The following TERT variants were observed in gnomAD, a reference collection of about 807,000 sequenced individuals.
TERT encodes telomerase reverse transcriptase, also known as telomerase catalytic subunit.
A neutral mutation model predicts 104.0 loss-of-function variants in TERT; 42 were observed. The ratio of observed to expected loss-of-function variants is 0.40; its 90% CI spans 0.32 to 0.52. TERT has a LOEUF of 0.52. TERT is among the 20% of genes least tolerant of loss of function. The pLI is 0.43. For synonymous variants in TERT, 781 were observed against 725.6 expected (o/e 1.08, Z -1.23); for missense variants, 1,101 against 1,610.3 (o/e 0.68, Z 5.41).
At chr5:1,289,223 C>A (rs1750696807) in intron 2 of TERT, among the ~76,000 whole-genome samples, 1 of 144,138 alleles carries the variant, frequency 6.9e-6, no homozygotes, top group Non-Finnish European at 1.5e-5. Context: ...GCCTCACTCA[C>A]CCTACACGTG....
intron 4 of TERT, 41 bp from the exon 5 acceptor site, chr5:1,279,511 C>T (rs570878378): frequency 2.7e-5 from 41 of 1,542,574 alleles, no homozygotes; most frequent in East Asian, 2.2e-4. Context: ...AAAGTGGATC[C>T]GGCCAAGTGC....
intron 2 of TERT, among the ~76,000 whole-genome samples, chr5:1,285,148 C>T (rs1354257110): frequency 3.6e-5 from 4 of 109,974 alleles, no homozygotes; most frequent in African/African-American, 6.5e-5. Context: ...CTGCATCATC[C>T]GGACTCCATA....
chr5:1,276,126 C>G (rs564644703), intron 6 of TERT, among the ~76,000 whole-genome samples: 34 of 140,426 alleles, frequency 2.4e-4, no homozygotes, highest in African/African-American at 9.4e-4. Context: ...CCACCTACCC[C>G]ACGGATGAAA....
chr5:1,276,717 GT>G (rs1375365064), intron 6 of TERT, among the ~76,000 whole-genome samples: 2 of 150,410 alleles, frequency 1.3e-5, no homozygotes, highest in Non-Finnish European at 3.0e-5. Context: ...CCCCACCCAG[GT>G]TTGCAAGCTG....
Position 1,253,640 on chromosome 5 carries a change from T to G in TERT, c.*88A>C. The G allele has an allele frequency of 1.7e-6, 2 of 1,165,332 alleles. No individual in the cohort carries two copies. The highest frequency in any genetic ancestry group is 2.6e-5 in the South Asian group (2 of 77,216). 72.2% of individuals were successfully genotyped at this position (1,165,332 alleles called of 1,614,324 possible). A position where few individuals can be genotyped will look rare whatever the true frequency, so the allele number is the denominator to read the frequency against. On this transcript the variant is annotated 3_prime_UTR_variant, in exon 16 of 16. Transcript: ENST00000310581. ...ACTCCCAGCGGTGCGGGCCTGGGTGTGGGCCGCCCCTCCCTCCCTGGGACG... is the reference window on the plus strand; with the variant it reads ...ACTCCCAGCGGTGCGGGCCTGGGTGGGGGCCGCCCCTCCCTCCCTGGGACG...
chr5:1,260,920 G>C lies in TERT; in HGVS notation c.2844-320C>G, dbSNP rs111854038. Among the ~76,000 whole-genome samples the C allele has an allele frequency of 9.2e-4, 140 of 152,354 alleles. 2 individuals carry two copies. Among genetic ancestry groups the C allele is most frequent in the African/African-American group, 3.1e-3 (131 of 41,592 alleles). On this transcript the variant is annotated intron_variant, in intron 11 of 15. Transcript: ENST00000310581. ...CTCAGCCAAAAACACATAATAAACT[G>C]TGGAGCCCTGGCTCCCGGGCGTCCC...
Position 1,286,987 on chromosome 5 carries a change from TC to T in TERT, c.1574-4364del, listed in dbSNP as rs995730910. ...AGGCAACGAGAGGATCAACACACAC[TC>T]GGCAGGAAACGCACATGGCAACCCA... On this transcript the variant is annotated intron_variant, in intron 2 of 15. Transcript: ENST00000310581. The surrounding 1 kb of genome is among the most constrained non-coding windows in gnomAD (Gnocchi z 5.3). 6.6e-6 allele frequency among the ~76,000 whole-genome samples: 1 copy of T among 151,846 alleles called. No homozygotes were observed. Among genetic ancestry groups the T allele is most frequent in the African/African-American group, 2.4e-5 (1 of 41,372 alleles).
intron 9 of TERT, 100 bp from the exon 10 acceptor site, chr5:1,266,635 T>C (rs1748627636): frequency 1.0e-6 from 1 of 992,078 alleles, no homozygotes; most frequent in East Asian, 2.6e-5. Flanking sequence ...CAGCCATAAA[T>C]AAAGTAACAT....
intron 12 of TERT, among the ~76,000 whole-genome samples, chr5:1,259,868 A>C (rs1276915890): frequency 5.5e-5 from 7 of 126,150 alleles, no homozygotes; most frequent in Admixed American, 1.6e-4. Context: ...GACACGGACA[A>C]CCACAGGAGA....
At chr5:1,278,250 G>A (rs1399270644) in intron 6 of TERT, among the ~76,000 whole-genome samples, 3 of 152,294 alleles carry the variant, frequency 2.0e-5, no homozygotes, top group Admixed American at 6.5e-5. Context: ...GACCATGCCT[G>A]GAGGAGGAAG....
At chr5:1,277,770 C>T (rs1287681817) in intron 6 of TERT, among the ~76,000 whole-genome samples, 5 of 152,156 alleles carry the variant, frequency 3.3e-5, no homozygotes, top group Admixed American at 6.5e-5. Flanking sequence ...CAAGTAGCTG[C>T]GATAGCTCAA....
At chr5:1,273,463 G>A (rs370474418) in intron 6 of TERT, among the ~76,000 whole-genome samples, 2,360 of 15,580 alleles carry the variant, frequency 0.15, 176 homozygotes, top group East Asian at 0.34. Context: ...GTGACCGATC[G>A]CCATCCACAG....
At chr5:1,260,143 A>C (rs1255158760) in intron 12 of TERT, among the ~76,000 whole-genome samples, 1 of 152,152 alleles carries the variant, frequency 6.6e-6, no homozygotes, top group Non-Finnish European at 1.5e-5. Flanking sequence ...CCCTCAATAC[A>C]TGTTATGTGC....
chr5:1,266,602 G>GTCT, intron 9 of TERT, 67 bp from the exon 10 acceptor site: 2 of 1,286,080 alleles, frequency 1.6e-6, no homozygotes, highest in South Asian at 2.5e-5. Flanking sequence ...GTCTACGAGG[G>GTCT]ACTGAATGTC....
At chr5:1,289,478 TACAC>T in intron 2 of TERT, among the ~76,000 whole-genome samples, 6 of 41,652 alleles carry the variant, frequency 1.4e-4, no homozygotes, top group African/African-American at 6.6e-4. Context: ...TCACTCACCC[TACAC>T]GTGACAGGGA....
At position 1,286,892 on chromosome 5, in the gene TERT, C is replaced by T. The variant is rs1051499071; in HGVS notation, c.1574-4268G>A. Among the ~76,000 whole-genome samples the T allele has an allele frequency of 6.6e-6, 1 of 151,886 alleles. No individual in the cohort carries two copies. The highest frequency in any genetic ancestry group is 1.5e-5 in the Non-Finnish European group (1 of 67,972). On this transcript the variant is annotated intron_variant, in intron 2 of 15. Coordinates refer to ENST00000310581, the MANE Select transcript of TERT (RefSeq NM_198253.3). The surrounding 1 kb of genome is among the most constrained non-coding windows in gnomAD (Gnocchi z 5.3). ...GACTGTCTCAATAAACAAAAGCAAA[C>T]AACGACAATAAAAAGATCAGGGGGT... is the stretch of plus-strand genomic sequence containing the variant.
chr5:1,258,326 G>A (rs924006716), intron 13 of TERT, among the ~76,000 whole-genome samples: 2 of 152,224 alleles, frequency 1.3e-5, no homozygotes, highest in South Asian at 4.1e-4. Flanking sequence ...TGCTGCCCTG[G>A]GATGGCCTCC....
At chr5:1,271,056 G>A (rs963911049) in intron 8 of TERT, 63 bp downstream of exon 8, 8 of 1,341,544 alleles carry the variant, frequency 6.0e-6, no homozygotes, top group Admixed American at 3.4e-5. Flanking sequence ...AGAGAGGTGA[G>A]CAGAAGCCCT....
rs988117973 is a variant in TERT, at chr5:1,255,129, G to C, written c.3157+158C>G. On this transcript the variant is annotated intron_variant, in intron 14 of 15. Transcript: ENST00000310581. The surrounding 1 kb of genome is among the most constrained non-coding windows in gnomAD (Gnocchi z 6.9). ...CCATCAGGTGCTCTGCTCACCCCAC[G>C]AGAGGGCGGGCAGACGAGCCTGACA... Among the ~76,000 whole-genome samples the C allele has an allele frequency of 6.6e-6, 1 of 152,228 alleles. No individual in the cohort carries two copies. The highest frequency in any genetic ancestry group is 1.5e-5 in the Non-Finnish European group (1 of 68,030).
Sources: allele counts gnomAD v4.1 joint callset (sites outside exome capture counted in the v4.1 genomes callset), GRCh38; gene constraint gnomAD v4.1.1; non-coding constraint Gnocchi (gnomAD v3.1); transcripts MANE v1.5; gene names NCBI Gene and HGNC (gene_info 2026-07-23, HGNC 2026-07-21).